SCART1: variants seen among roughly 807,000 people sequenced by gnomAD.
The protein encoded by SCART1 is scavenger receptor family member expressed on T cells 1.
Under a neutral mutation model 36.2 loss-of-function variants are expected in SCART1, and 62 were observed. That is an observed-to-expected ratio of 1.71 (90% CI 1.40 to 2.12). The LOEUF is 2.12. SCART1 is among the 30% of genes most tolerant of loss of function. The pLI, the probability that SCART1 is intolerant of heterozygous loss-of-function variation, is 0.00. For missense variants in SCART1, 1,041 were observed against 540.5 expected (o/e 1.93, Z -9.18); for synonymous variants, 487 against 238.7 (o/e 2.04, Z -9.59).
At chr10:133,460,858 C>T (rs1247261343) in intron 6 of SCART1, among the ~76,000 whole-genome samples, 1 of 151,964 alleles carries the variant, frequency 6.6e-6, no homozygotes, top group Non-Finnish European at 1.5e-5. Context: ...CCTGCCTCAG[C>T]CTCCCAAGTA....
exon 4 of SCART1, chr10:133,458,647 A>T: frequency 1.4e-6 from 1 of 700,192 alleles, no homozygotes; most frequent in Non-Finnish European, 2.6e-6. Context: ...CGCGGGGCTC[A>T]GGTGCTCAGG....
At chr10:133,467,091 C>T in intron 10 of SCART1, 107 bp from the exon 11 acceptor site, 1 of 571,286 alleles carries the variant, frequency 1.8e-6, no homozygotes, top group South Asian at 2.2e-5. Context: ...CAGCATCCTG[C>T]CTCTTTGCTG....
At chr10:133,461,504 G>A (rs1346613915) in intron 6 of SCART1, among the ~76,000 whole-genome samples, 1 of 152,150 alleles carries the variant, frequency 6.6e-6, no homozygotes, top group East Asian at 1.9e-4. Context: ...CTGGAGTCTC[G>A]TGAGTTTGAG....
chr10:133,459,472 C>T lies in SCART1; in HGVS notation c.1286-15C>T. 3 of 625,258 alleles carry T rather than the reference C, an allele frequency of 4.8e-6. No individual in the cohort carries two copies. Among genetic ancestry groups the T allele is most frequent in the Non-Finnish European group, 8.6e-6 (3 of 349,146 alleles). 38.7% of individuals were successfully genotyped at this position (625,258 alleles called of 1,614,324 possible). A position where few individuals can be genotyped will look rare whatever the true frequency, so the allele number is the denominator to read the frequency against. ...CCCGCTGACATCTTGGGCCCCTGTGCGTCCCCATCCCCAGGTCTGGCCCAC... is the reference window on the plus strand; with the variant it reads ...CCCGCTGACATCTTGGGCCCCTGTGTGTCCCCATCCCCAGGTCTGGCCCAC... On this transcript the variant is annotated splice_polypyrimidine_tract_variant and intron_variant, in intron 5 of 11. Coordinates refer to ENST00000640237, the Ensembl canonical transcript of SCART1.
chr10:133,456,591 G>GGAGGAGGAGTGGGAGGAC lies in SCART1; in HGVS notation c.385+47_385+64dup, dbSNP rs1589933392. ...GGAGTGAAGGGGACGGGGCTGAGGAGGAGGAGGAGTGGGAGGACGAGGAGG... is the reference window on the plus strand; with the variant it reads ...GGAGTGAAGGGGACGGGGCTGAGGAGGAGGAGGAGTGGGAGGACGAGGAGGAGTGGGAGGACGAGGAGG... On this transcript the variant is annotated intron_variant, in intron 2 of 11. Transcript: ENST00000640237. 30 of 622,790 alleles carry GGAGGAGGAGTGGGAGGAC rather than the reference G, an allele frequency of 4.8e-5. No homozygotes were observed. In the East Asian group the frequency reaches 4.9e-4, roughly 10 times the overall value. 38.6% of individuals were successfully genotyped at this position (622,790 alleles called of 1,614,324 possible).
exon 7 of SCART1, chr10:133,464,835 G>T (rs569682967): frequency 1.4e-6 from 1 of 702,882 alleles, no homozygotes. Flanking sequence ...ATCGAGTGCC[G>T]CAGGCTGCCC....
intron 1 of SCART1, among the ~76,000 whole-genome samples, chr10:133,455,994 T>G (rs1414194723): frequency 1.3e-5 from 2 of 151,766 alleles, no homozygotes; most frequent in Admixed American, 1.3e-4. Context: ...GCCTGGGGGA[T>G]GGGGTCCTCC....
intron 6 of SCART1, among the ~76,000 whole-genome samples, chr10:133,460,496 A>ATATATATATATATATTTTTTTTTTT: frequency 4.4e-5 from 6 of 136,016 alleles, no homozygotes; most frequent in South Asian, 2.7e-4. Context: ...ATATTTATAT[A>ATATATATATATATATTTTTTTTTTT]TTTTAAAAAA....
At chr10:133,454,349 A>G (rs568682140) in intron 1 of SCART1, among the ~76,000 whole-genome samples, 4 of 151,414 alleles carry the variant, frequency 2.6e-5, no homozygotes, top group Non-Finnish European at 4.4e-5. Flanking sequence ...TCTGGTCCCA[A>G]TGACCCTGAT....
rs780065133 is a variant in SCART1 at position 133,459,471 on chromosome 10, G to A, written c.1286-16G>A. On this transcript the variant is annotated splice_polypyrimidine_tract_variant and intron_variant, in intron 5 of 11. Coordinates refer to ENST00000640237, the Ensembl canonical transcript of SCART1. ...TCCCGCTGACATCTTGGGCCCCTGT[G>A]CGTCCCCATCCCCAGGTCTGGCCCA... is the stretch of plus-strand genomic sequence containing the variant. 1.8e-4 allele frequency: 112 copies of A among 626,448 alleles called. No individual in the cohort carries two copies. The highest frequency in any genetic ancestry group is 5.4e-5 in the Non-Finnish European group (19 of 349,810). 38.8% of individuals were successfully genotyped at this position (626,448 alleles called of 1,614,324 possible).
At chr10:133,463,671 T>A (rs1850730023) in intron 6 of SCART1, among the ~76,000 whole-genome samples, 1 of 152,106 alleles carries the variant, frequency 6.6e-6, no homozygotes, top group Non-Finnish European at 1.5e-5. Flanking sequence ...ATAGCATCTA[T>A]GTACCACATT....
At chr10:133,464,691 G>A (rs1192263419) in exon 7 of SCART1, 1 of 701,408 alleles carries the variant, frequency 1.4e-6, no homozygotes, top group African/African-American at 1.7e-5. Context: ...GGGGCGCCAT[G>A]TGCAGCAATG....
At chr10:133,459,761 G>T in exon 6 of SCART1, 1 of 690,870 alleles carries the variant, frequency 1.4e-6, no homozygotes, top group Non-Finnish European at 2.6e-6. Context: ...CGACCCTGCA[G>T]GAGCCCGCGG....
Position 133,460,470 on chromosome 10 carries a change from T to TTATATATATA in SCART1, c.1969+300_1969+301insTATATATATA, listed in dbSNP as rs1433534721. The stretch of plus-strand genomic sequence containing the variant: ...TGCGCTTGAAGTTTCCATCCGAAAT[T>TTATATATATA]CATATATATATATATATATTTATAT... On this transcript the variant is annotated intron_variant, in intron 6 of 11. Transcript: ENST00000640237. Among the ~76,000 whole-genome samples the TTATATATATA allele has an allele frequency of 1.7e-4, 8 of 47,672 alleles. 1 individual carries two copies. Among genetic ancestry groups the TTATATATATA allele is most frequent in the African/African-American group, 5.4e-4 (8 of 14,742 alleles). The allele number at this position is 47,672 out of a possible 152,430, so 31.3% of individuals were successfully genotyped here. A position where few individuals can be genotyped will look rare whatever the true frequency, so the allele number is the denominator to read the frequency against.
chr10:133,457,343 C>T, exon 3 of SCART1: 1 of 701,290 alleles, frequency 1.4e-6, no homozygotes, highest in Non-Finnish European at 2.6e-6. Context: ...TCCCCGAGAT[C>T]AGAAACGTGA....
chr10:133,456,621 C>CGAGGAGGAGGAG lies in SCART1; in HGVS notation c.385+67_385+68insGAGGAGGAGGAG, dbSNP rs1564833445. On this transcript the variant is annotated intron_variant, in intron 2 of 11. Transcript: ENST00000640237. Reference sequence around the variant, plus strand: ...AGGAGTGGGAGGACGAGGAGGAGGACTGGGAGGACGCAGAGGAGGACTGGG... The same window carrying CGAGGAGGAGGAG: ...AGGAGTGGGAGGACGAGGAGGAGGACGAGGAGGAGGAGTGGGAGGACGCAGAGGAGGACTGGG... 5.0e-6 allele frequency: 3 copies of CGAGGAGGAGGAG among 594,498 alleles called. No individual in the cohort carries two copies. In the African/African-American group the frequency reaches 6.2e-5, roughly 12 times the overall value. 36.8% of individuals were successfully genotyped at this position (594,498 alleles called of 1,614,324 possible).
chr10:133,464,572 G>A (rs1214231823), intron 6 of SCART1, 34 bp from the exon 7 acceptor site: 4 of 620,344 alleles, frequency 6.4e-6, no homozygotes, highest in Non-Finnish European at 1.2e-5. Context: ...GCCCAGGCAG[G>A]GCACTCCCTG....
At chr10:133,469,223 G>A (rs574711785), downstream of SCART1, 2 of 152,118 alleles carry the variant, frequency 1.3e-5, no homozygotes, top group South Asian at 4.2e-4. Context: ...TTTTTGATGG[G>A]GTTGTTTGCT....
At chr10:133,459,075 T>G (rs1030102346) in exon 5 of SCART1, 4 of 701,752 alleles carry the variant, frequency 5.7e-6, no homozygotes, top group South Asian at 4.4e-5. Flanking sequence ...GAGTTCCAGG[T>G]GCAGGGGTCC....
Sources: allele counts gnomAD v4.1 joint callset (sites outside exome capture counted in the v4.1 genomes callset), GRCh38; gene constraint gnomAD v4.1.1; transcripts MANE v1.5; gene names NCBI Gene and HGNC (gene_info 2026-07-23, HGNC 2026-07-21).